PGAP1: variants seen among roughly 807,000 people sequenced by gnomAD.
PGAP1 encodes the protein post-GPI attachment to proteins inositol deacylase 1.
In PGAP1, 76 loss-of-function variants were observed where a neutral mutation model predicts 127.0. The observed-to-expected ratio is 0.60, with a 90% CI of 0.50 to 0.72. The LOEUF is 0.72. Among genes scored for constraint, PGAP1 ranks in the 30% least tolerant of loss-of-function variants. The pLI is 0.00. For missense variants in PGAP1, 982 were observed against 1,071.3 expected (o/e 0.92, Z 1.16); for synonymous variants, 362 against 366.5 (o/e 0.99, Z 0.14).
intron 4 of PGAP1, among the ~76,000 whole-genome samples, chr2:196,904,543 C>A (rs1702623879): frequency 6.6e-6 from 1 of 152,118 alleles, no homozygotes; most frequent in South Asian, 2.1e-4. Context: ...CGAGACCATC[C>A]TGGCCAACAT....
Position 196,902,710 on chromosome 2 carries a change from G to A in PGAP1, c.682C>T (p.Leu228=). The change falls in exon 5 of 27, where the codon CTA becomes TTA. Residue 228 remains leucine (L), a synonymous_variant. Coordinates refer to ENST00000354764, the MANE Select transcript of PGAP1 (RefSeq NM_024989.4). Reference sequence around the variant, plus strand: ...GTTAAATTTATGTGTCGAGCATTTAGAATCCAATAGTTGTTTACAGTCGTA... The same window carrying A: ...GTTAAATTTATGTGTCGAGCATTTAAAATCCAATAGTTGTTTACAGTCGTA... The part of the protein sequence containing the change: ...FYTTVNNYWI[L]NARHINLTTL... The A allele has an allele frequency of 6.2e-7, 1 of 1,611,556 alleles. No homozygotes were observed. The highest frequency in any genetic ancestry group is 8.5e-7 in the Non-Finnish European group (1 of 1,178,338).
chr2:196,911,750 A>C (rs950985322), intron 4 of PGAP1, among the ~76,000 whole-genome samples: 1 of 152,128 alleles, frequency 6.6e-6, no homozygotes, highest in South Asian at 2.1e-4. Context: ...CAGTGAGGAT[A>C]ATCTCTGGCT....
At chr2:196,915,113 T>G (rs1702962315) in intron 3 of PGAP1, among the ~76,000 whole-genome samples, 1 of 152,224 alleles carries the variant, frequency 6.6e-6, no homozygotes, top group East Asian at 1.9e-4. Flanking sequence ...CTTCCTTCTT[T>G]GAAATATTTA....
At chr2:196,843,737 AAAATAAATAAAT>A in intron 25 of PGAP1, 139 bp downstream of exon 25, 1 of 425,320 alleles carries the variant, frequency 2.4e-6, no homozygotes, top group Non-Finnish European at 3.8e-6. Flanking sequence ...CAAAAAATTA[AAAATAAATAAAT>A]AAATAAATAA....
In PGAP1 at chr2:196,835,979, CA is replaced by C. The variant is rs1490636487; in HGVS notation, c.*5254del. 6.6e-6 allele frequency: 1 copy of C among 151,842 alleles called. No individual in the cohort carries two copies. Among genetic ancestry groups the C allele is most frequent in the Non-Finnish European group, 1.5e-5 (1 of 67,830 alleles). 9.4% of individuals were successfully genotyped at this position (151,842 alleles called of 1,614,324 possible). On this transcript the variant is annotated 3_prime_UTR_variant, in exon 27 of 27. Transcript: ENST00000354764. ...ATCACTATTGTATAAATATTAAAAA[CA>C]AAAATGACATTAAAAAATAGCATAT...
chr2:196,899,157 C>G (rs559896743), intron 5 of PGAP1, among the ~76,000 whole-genome samples: 2 of 152,254 alleles, frequency 1.3e-5, no homozygotes, highest in East Asian at 3.9e-4. Context: ...CATAGCATCT[C>G]TTTATGTACC....
chr2:196,860,012 C>A (rs1180620354), intron 20 of PGAP1, among the ~76,000 whole-genome samples: 2 of 151,774 alleles, frequency 1.3e-5, no homozygotes, highest in African/African-American at 4.8e-5. Context: ...CTAGCCAGAG[C>A]AACTAGGCAA....
intron 14 of PGAP1, 171 bp from the exon 15 acceptor site, chr2:196,873,929 G>T: frequency 2.0e-6 from 1 of 497,572 alleles, no homozygotes. Context: ...ATAAACTCTA[G>T]ACAAAATAAA....
intron 12 of PGAP1, among the ~76,000 whole-genome samples, chr2:196,884,215 G>A (rs1031299805): frequency 6.6e-5 from 10 of 151,770 alleles, no homozygotes; most frequent in South Asian, 2.1e-4. Flanking sequence ...ATTCATCCAC[G>A]TAATAAAAAA....
At chr2:196,851,305 A>C (rs1700713727) in intron 20 of PGAP1, among the ~76,000 whole-genome samples, 1 of 152,190 alleles carries the variant, frequency 6.6e-6, no homozygotes, top group African/African-American at 2.4e-5. Flanking sequence ...AGGCCACTGC[A>C]ACCTTACACA....
chr2:196,923,574 C>A (rs1222613601), intron 1 of PGAP1, among the ~76,000 whole-genome samples: 1 of 152,126 alleles, frequency 6.6e-6, no homozygotes. Flanking sequence ...GCTAGATATA[C>A]CTGGCAAAGA....
chr2:196,887,424 A>G (rs2125814215), intron 10 of PGAP1, among the ~76,000 whole-genome samples: 1 of 152,216 alleles, frequency 6.6e-6, no homozygotes, highest in East Asian at 1.9e-4. Flanking sequence ...ACAAACAAAA[A>G]CAGCAGTGTG....
chr2:196,859,743 A>T (rs1488162971), intron 20 of PGAP1, among the ~76,000 whole-genome samples: 1 of 152,206 alleles, frequency 6.6e-6, no homozygotes, highest in Non-Finnish European at 1.5e-5. Context: ...TAAATAACAC[A>T]AATGGAATCG....
At chr2:196,862,904 G>T (rs1203681797) in intron 20 of PGAP1, among the ~76,000 whole-genome samples, 2 of 152,064 alleles carry the variant, frequency 1.3e-5, no homozygotes, top group Non-Finnish European at 2.9e-5. Flanking sequence ...GGCAACAAGA[G>T]CAAAACTCCA....
At chr2:196,922,102 C>T in intron 1 of PGAP1, 2 of 1,241,274 alleles carry the variant, frequency 1.6e-6, no homozygotes, top group Non-Finnish European at 1.0e-6. Context: ...AGATCAATTA[C>T]CTTTGTATTT....
At chr2:196,898,055 T>C (rs1308666493) in intron 6 of PGAP1, among the ~76,000 whole-genome samples, 1 of 152,016 alleles carries the variant, frequency 6.6e-6, no homozygotes, top group Non-Finnish European at 1.5e-5. Context: ...TCATCCCTAC[T>C]AAAACTACAA....
In PGAP1 at chr2:196,839,401, A is replaced by T. The variant is rs1457728574; in HGVS notation, c.*1833T>A. On this transcript the variant is annotated 3_prime_UTR_variant, in exon 27 of 27. Transcript: ENST00000354764. ...ACATATACGTGGTATGCCATGGGACAAGTATATAATCTAATAAATTCTCTC... is the reference window on the plus strand; with the variant it reads ...ACATATACGTGGTATGCCATGGGACTAGTATATAATCTAATAAATTCTCTC... The T allele has an allele frequency of 6.6e-6, 1 of 152,200 alleles. No homozygotes were observed. The highest frequency in any genetic ancestry group is 2.4e-5 in the African/African-American group (1 of 41,440). 9.4% of individuals were successfully genotyped at this position (152,200 alleles called of 1,614,324 possible). A position where few individuals can be genotyped will look rare whatever the true frequency, so the allele number is the denominator to read the frequency against.
intron 7 of PGAP1, 90 bp downstream of exon 7, chr2:196,897,040 TA>T: frequency 1.4e-6 from 1 of 715,880 alleles, no homozygotes; most frequent in Non-Finnish European, 2.3e-6. Flanking sequence ...TTCATCAAAG[TA>T]AAAAAATTAC....
At chr2:196,879,749 C>T (rs1018750279) in intron 13 of PGAP1, among the ~76,000 whole-genome samples, 2 of 152,038 alleles carry the variant, frequency 1.3e-5, no homozygotes, top group Non-Finnish European at 2.9e-5. Context: ...TCCTATAATT[C>T]CTGGTACATA....
Sources: allele counts gnomAD v4.1 joint callset (sites outside exome capture counted in the v4.1 genomes callset), GRCh38; gene constraint gnomAD v4.1.1; transcripts MANE v1.5; gene names NCBI Gene and HGNC (gene_info 2026-07-23, HGNC 2026-07-21).